GLIS3: variants seen among roughly 807,000 people sequenced by gnomAD.
GLIS3 encodes the protein GLIS family zinc finger 3, also known as zinc finger protein GLIS3.
In GLIS3, 53 loss-of-function variants were observed where a neutral mutation model predicts 78.6. The ratio of observed to expected loss-of-function variants is 0.67; its 90% CI spans 0.54 to 0.85. The LOEUF is 0.85. GLIS3 is among the 40% of genes least tolerant of loss of function. The pLI, the probability that GLIS3 is intolerant of heterozygous loss-of-function variation, is 0.00. For synonymous variants in GLIS3, 684 were observed against 509.9 expected (o/e 1.34, Z -4.60); for missense variants, 1,703 against 1,231.1 (o/e 1.38, Z -5.74).
At chr9:4,309,126 G>A (rs951515765) in intron 3 of GLIS3, among the ~76,000 whole-genome samples, 8 of 152,226 alleles carry the variant, frequency 5.3e-5, no homozygotes, top group Middle Eastern at 3.4e-3. Context: ...CATCATCTCC[G>A]AATTGTTACT....
intron 2 of GLIS3, among the ~76,000 whole-genome samples, chr9:4,186,508 A>G (rs904973972): frequency 1.3e-5 from 2 of 152,026 alleles, no homozygotes; most frequent in African/African-American, 2.4e-5. Context: ...CTTTGGGTAT[A>G]TACCCACTAA....
At chr9:4,225,207 C>A (rs1821668159) in intron 2 of GLIS3, among the ~76,000 whole-genome samples, 1 of 152,066 alleles carries the variant, frequency 6.6e-6, no homozygotes, top group Non-Finnish European at 1.5e-5. Context: ...CTAAGTCTTG[C>A]ATTTTCCCCT....
chr9:4,018,519 G>T (rs765718904), intron 4 of GLIS3, among the ~76,000 whole-genome samples: 2 of 152,182 alleles, frequency 1.3e-5, no homozygotes, highest in Non-Finnish European at 2.9e-5. Context: ...TTAAACAGAA[G>T]AAAAGGTAAG....
At chr9:3,828,468 A>C in intron 10 of GLIS3, 60 bp from the exon 11 acceptor site, 5 of 1,601,060 alleles carry the variant, frequency 3.1e-6, no homozygotes, top group South Asian at 1.1e-5. Flanking sequence ...GCCCACTGGA[A>C]ATGCACTACA....
At chr9:4,084,264 C>CAT in intron 4 of GLIS3, among the ~76,000 whole-genome samples, 1 of 133,506 alleles carries the variant, frequency 7.5e-6, no homozygotes, top group Non-Finnish European at 1.7e-5. Context: ...CTAACACACA[C>CAT]ACACACACAC....
the GLIS3 span, among the ~76,000 whole-genome samples, chr9:4,423,248 G>A: frequency 6.6e-6 from 1 of 152,106 alleles, no homozygotes; most frequent in African/African-American, 2.4e-5. Flanking sequence ...GTCATCTGAC[G>A]TCACAGACCC....
Position 3,826,462 on chromosome 9 carries a change from G to A in GLIS3, c.*1810C>T, listed in dbSNP as rs1817730013. 1 of 8,646 alleles carries A rather than the reference G, an allele frequency of 1.2e-4. No individual in the cohort carries two copies. The highest frequency in any genetic ancestry group is 4.3e-3 in the Admixed American group (1 of 230). 0.5% of individuals were successfully genotyped at this position (8,646 alleles called of 1,614,324 possible). On this transcript the variant is annotated 3_prime_UTR_variant, in exon 11 of 11. Coordinates refer to ENST00000381971, the MANE Select transcript of GLIS3 (RefSeq NM_001042413.2). ...TGGTGTGCATCTTTTGTAAAGCAGAGCAGGTTTTTTAAAGTGGCTAACTCA... is the reference window on the plus strand; with the variant it reads ...TGGTGTGCATCTTTTGTAAAGCAGAACAGGTTTTTTAAAGTGGCTAACTCA...
At chr9:3,900,223 A>T (rs1241616461) in intron 6 of GLIS3, among the ~76,000 whole-genome samples, 3 of 152,090 alleles carry the variant, frequency 2.0e-5, no homozygotes, top group African/African-American at 7.2e-5. Context: ...AAATGATAAT[A>T]AGCGTGAAAA....
chr9:4,289,047 T>C (rs894924311), intron 1 of GLIS3, among the ~76,000 whole-genome samples: 2 of 152,138 alleles, frequency 1.3e-5, no homozygotes, highest in African/African-American at 4.8e-5. Context: ...TAATCCTAAG[T>C]CTCCTTGGTA....
At chr9:4,396,216 G>C in the GLIS3 span, among the ~76,000 whole-genome samples, 3 of 151,922 alleles carry the variant, frequency 2.0e-5, no homozygotes, top group African/African-American at 7.2e-5. Context: ...GGGTTTAAGC[G>C]ATTCTTCTGC....
chr9:4,216,281 G>T (rs1001215276), intron 2 of GLIS3, among the ~76,000 whole-genome samples: 1 of 151,824 alleles, frequency 6.6e-6, no homozygotes, highest in East Asian at 1.9e-4. Context: ...GACCATCCTG[G>T]CTAACATGGT....
intron 4 of GLIS3, among the ~76,000 whole-genome samples, chr9:4,114,353 G>T (rs553653): frequency 0.77 from 116,620 of 152,048 alleles, 44,819 homozygotes; most frequent in East Asian, 0.84. Flanking sequence ...GATGATTAGT[G>T]TACATCTATT....
chr9:3,932,360 CT>C lies in GLIS3; in HGVS notation c.1982del (p.Lys661SerfsTer145). 6.2e-7 allele frequency: 1 copy of C among 1,608,856 alleles called. No individual in the cohort carries two copies. The highest frequency in any genetic ancestry group is 8.5e-7 in the Non-Finnish European group (1 of 1,175,338). ...HSSKEQQARK[K>X]LRSSTELHPD... ...CTGGAAGATTCTCTTTTAAAATTAC[CT>C]TTTTCCTTGCTTGTTGCTCTTTGGA... On this transcript the variant is annotated frameshift_variant and splice_region_variant, in exon 6 of 11. Coordinates refer to ENST00000381971, the MANE Select transcript of GLIS3 (RefSeq NM_001042413.2). LOFTEE classifies it high-confidence loss of function.
the GLIS3 span, among the ~76,000 whole-genome samples, chr9:4,475,912 CTG>C: frequency 6.6e-6 from 1 of 152,058 alleles, no homozygotes; most frequent in Admixed American, 6.6e-5. Flanking sequence ...TCTTGTTTGT[CTG>C]TTTTATTTTT....
chr9:4,172,830 G>T (rs536223431), intron 2 of GLIS3, among the ~76,000 whole-genome samples: 1 of 152,142 alleles, frequency 6.6e-6, no homozygotes, highest in African/African-American at 2.4e-5. Flanking sequence ...TTAATCAGGG[G>T]CCATACTCAC....
At chr9:4,129,088 G>A (rs1002041858) in intron 2 of GLIS3, among the ~76,000 whole-genome samples, 6 of 152,178 alleles carry the variant, frequency 3.9e-5, no homozygotes, top group African/African-American at 1.4e-4. Context: ...TCTCACACAT[G>A]CAGGCAAACA....
intron 2 of GLIS3, among the ~76,000 whole-genome samples, chr9:4,252,897 G>A (rs748311496): frequency 2.0e-5 from 3 of 152,164 alleles, no homozygotes; most frequent in Non-Finnish European, 4.4e-5. Context: ...GGAGTTTGCT[G>A]GAGCTCCACT....
chr9:4,006,588 T>C (rs16920349), intron 4 of GLIS3, among the ~76,000 whole-genome samples: 13,251 of 152,158 alleles, frequency 0.087, 704 homozygotes, highest in South Asian at 0.18. Context: ...GCCCTTTATA[T>C]GCATTAAGTA....
chr9:3,919,656 A>T (rs1002799079), intron 6 of GLIS3, among the ~76,000 whole-genome samples: 4 of 151,704 alleles, frequency 2.6e-5, no homozygotes, highest in African/African-American at 9.7e-5. Context: ...AATAAAAAAA[A>T]AAAATTAAAA....
Sources: gnomAD v4.1 joint callset for allele counts (sites outside exome capture counted in the v4.1 genomes callset) on GRCh38, gnomAD v4.1.1 for gene constraint, MANE v1.5 for transcripts, NCBI Gene and HGNC (gene_info 2026-07-23, HGNC 2026-07-21) for gene names.